The following GUCY1A2 variants were observed in gnomAD, a reference collection of about 807,000 sequenced individuals.
The protein encoded by GUCY1A2 is guanylate cyclase soluble subunit alpha-2.
Under a neutral mutation model 63.5 loss-of-function variants are expected in GUCY1A2, and 27 were observed. The observed-to-expected ratio is 0.43, with a 90% CI of 0.31 to 0.59. The LOEUF (loss-of-function observed/expected upper bound fraction) is 0.59, where lower values mean the gene tolerates loss of function less well. Among genes scored for constraint, GUCY1A2 ranks in the 20% least tolerant of loss-of-function variants. The pLI is 0.11. For synonymous variants in GUCY1A2, 364 were observed against 343.5 expected, an observed-to-expected ratio of 1.06 and a Z score of -0.66; for missense variants, 768 against 913.3, an observed-to-expected ratio of 0.84 and a Z score of 2.05.
chr11:106,744,563 T>C (rs1863754349), intron 6 of GUCY1A2, among the ~76,000 whole-genome samples: 1 of 152,214 alleles, frequency 6.6e-6, no homozygotes, highest in Non-Finnish European at 1.5e-5. Flanking sequence ...TTTTTGGACA[T>C]TTTTGAAGAT....
At chr11:106,832,519 G>T (rs1417432474) in intron 4 of GUCY1A2, among the ~76,000 whole-genome samples, 2 of 152,104 alleles carry the variant, frequency 1.3e-5, no homozygotes, top group Non-Finnish European at 2.9e-5. Flanking sequence ...GGAAACAGAG[G>T]TGCAGGACTA....
chr11:106,765,307 T>C (rs1026598164), intron 6 of GUCY1A2, among the ~76,000 whole-genome samples: 1 of 152,086 alleles, frequency 6.6e-6, no homozygotes, highest in Non-Finnish European at 1.5e-5. Flanking sequence ...ATATTTGCTC[T>C]ACAAAGAATT....
At chr11:106,745,972 G>A (rs1391924297) in intron 6 of GUCY1A2, among the ~76,000 whole-genome samples, 3 of 152,120 alleles carry the variant, frequency 2.0e-5, no homozygotes, top group Non-Finnish European at 4.4e-5. Context: ...GTCCTTATCA[G>A]TATCTATTAT....
chr11:106,833,729 GATT>G (rs955241522), intron 4 of GUCY1A2, among the ~76,000 whole-genome samples: 3 of 151,974 alleles, frequency 2.0e-5, no homozygotes, highest in African/African-American at 7.2e-5. Flanking sequence ...CGTAAGTAAA[GATT>G]ATTAACTATT....
intron 4 of GUCY1A2, among the ~76,000 whole-genome samples, chr11:106,843,679 T>C (rs907383046): frequency 2.0e-5 from 3 of 151,908 alleles, no homozygotes; most frequent in African/African-American, 7.2e-5. Flanking sequence ...CTAATGTTCA[T>C]TTTGCAAGTG....
intron 1 of GUCY1A2, among the ~76,000 whole-genome samples, chr11:106,988,470 A>AT (rs1216442341): frequency 6.6e-5 from 10 of 151,666 alleles, no homozygotes; most frequent in East Asian, 1.9e-4. Flanking sequence ...ACAAAAGGAC[A>AT]TTTTTTTTTC....
At chr11:106,978,863 T>C (rs1321042568) in intron 2 of GUCY1A2, 123 bp from the exon 3 acceptor site, 1 of 629,630 alleles carries the variant, frequency 1.6e-6, no homozygotes, top group Non-Finnish European at 2.7e-6. Flanking sequence ...TTAAAATAAG[T>C]GAAGCTTTGA....
intron 4 of GUCY1A2, among the ~76,000 whole-genome samples, chr11:106,886,689 G>A (rs1859905007): frequency 6.6e-6 from 1 of 151,968 alleles, no homozygotes; most frequent in Admixed American, 6.6e-5. Context: ...AAAAGACCAT[G>A]ACTATTCAAC....
chr11:106,880,927 A>G (rs1177125396), intron 4 of GUCY1A2, among the ~76,000 whole-genome samples: 5 of 152,274 alleles, frequency 3.3e-5, no homozygotes, highest in African/African-American at 7.2e-5. Flanking sequence ...GGAAGCAGAG[A>G]GGAAGCTCTG....
intron 4 of GUCY1A2, among the ~76,000 whole-genome samples, chr11:106,831,525 T>C (rs567065709): frequency 6.6e-6 from 1 of 152,310 alleles, no homozygotes; most frequent in African/African-American, 2.4e-5. Context: ...CAAAACGTTA[T>C]TGGTCAGGGT....
At chr11:107,009,761 T>A (rs531708506) in intron 1 of GUCY1A2, among the ~76,000 whole-genome samples, 1 of 152,154 alleles carries the variant, frequency 6.6e-6, no homozygotes, top group Non-Finnish European at 1.5e-5. Context: ...AAGGTAATAG[T>A]TGTCTGGGAT....
intron 1 of GUCY1A2, among the ~76,000 whole-genome samples, chr11:107,014,309 A>C (rs1236200084): frequency 6.6e-6 from 1 of 151,842 alleles, no homozygotes; most frequent in South Asian, 2.1e-4. Flanking sequence ...GGATGGTCTC[A>C]ATCTCTTGAC....
At chr11:106,940,604 T>C (rs1860740231) in intron 3 of GUCY1A2, among the ~76,000 whole-genome samples, 1 of 152,160 alleles carries the variant, frequency 6.6e-6, no homozygotes, top group Non-Finnish European at 1.5e-5. Flanking sequence ...CCAAATTCCA[T>C]GGTTTACATT....
At chr11:106,714,191 T>C (rs913057474) in intron 6 of GUCY1A2, among the ~76,000 whole-genome samples, 5 of 151,824 alleles carry the variant, frequency 3.3e-5, no homozygotes, top group Non-Finnish European at 5.9e-5. Context: ...CTGATATCCT[T>C]GAGGGGGCAG....
chr11:106,830,164 T>A (rs1033400994), intron 4 of GUCY1A2, among the ~76,000 whole-genome samples: 1 of 152,244 alleles, frequency 6.6e-6, no homozygotes. Flanking sequence ...ACATAAGATT[T>A]ATTGATTTCA....
intron 1 of GUCY1A2, among the ~76,000 whole-genome samples, chr11:107,017,003 AC>A (rs1215759995): frequency 1.6e-4 from 25 of 152,220 alleles, no homozygotes; most frequent in African/African-American, 6.0e-4. Flanking sequence ...ACAAATCTGC[AC>A]ATCCTGCACA....
chr11:106,849,680 G>A, intron 4 of GUCY1A2, among the ~76,000 whole-genome samples: 1 of 151,206 alleles, frequency 6.6e-6, no homozygotes, highest in South Asian at 2.1e-4. Context: ...CAAAGGAAAA[G>A]GTAACCCCCA....
chr11:106,918,166 T>A (rs1284036955), intron 4 of GUCY1A2, among the ~76,000 whole-genome samples: 1 of 144,722 alleles, frequency 6.9e-6, no homozygotes, highest in Non-Finnish European at 1.5e-5. Flanking sequence ...AGTTCACTAG[T>A]TCTCCTTGGG....
rs1397511325 is a variant in GUCY1A2 at position 106,791,800 on chromosome 11, C to A, written c.1693-15218G>T. Among the ~76,000 whole-genome samples the A allele has an allele frequency of 2.0e-5, 3 of 152,134 alleles. 1 individual carries two copies. In the East Asian group the frequency reaches 5.8e-4, roughly 29 times the overall value. Reference sequence around the variant, plus strand: ...ATCCCCAGTCCTCAGCAGAATAATACATTTGATTCCTTTAGAACACCAATA... The same window carrying A: ...ATCCCCAGTCCTCAGCAGAATAATAAATTTGATTCCTTTAGAACACCAATA... On this transcript the variant is annotated intron_variant, in intron 5 of 7. Transcript: ENST00000526355.
Sources: gnomAD v4.1 joint callset for allele counts (sites outside exome capture counted in the v4.1 genomes callset) on GRCh38, gnomAD v4.1.1 for gene constraint, MANE v1.5 for transcripts, NCBI Gene and HGNC (gene_info 2026-07-23, HGNC 2026-07-21) for gene names.